The following ZFYVE16 variants were observed in gnomAD, a reference collection of about 807,000 sequenced individuals.
ZFYVE16 encodes the protein zinc finger FYVE domain-containing protein 16.
Under a neutral mutation model 138.1 loss-of-function variants are expected in ZFYVE16, and 89 were observed. That is an observed-to-expected ratio of 0.64 (90% confidence interval 0.54 to 0.77). The LOEUF (loss-of-function observed/expected upper bound fraction) is 0.77, where lower values mean the gene tolerates loss of function less well. Ranked by LOEUF, ZFYVE16 falls within the 30% of genes least tolerant of loss-of-function variation. ZFYVE16 has a pLI of 0.00. For missense variants in ZFYVE16, 1,793 were observed against 1,786.7 expected, an observed-to-expected ratio of 1.00 and a Z score of -0.06; for synonymous variants, 596 against 618.3, an observed-to-expected ratio of 0.96 and a Z score of 0.53.
At position 80,459,446 on chromosome 5, in the gene ZFYVE16, G is replaced by A. The variant is rs766925002; in HGVS notation, c.3976G>A (p.Ala1326Thr). ...TGCAAGTTTTGTGGTATTCAATGGA[G>A]CTCTAAAAACATCTTCAGGATTTCT... is the stretch of plus-strand genomic sequence containing the variant. Reference protein sequence around the residue: ...TGASFVVFNGALKTSSGFLAK... With the variant: ...TGASFVVFNGTLKTSSGFLAK... The change falls in exon 15 of 19, where the codon GCT becomes ACT. Residue 1326 changes from alanine (A) to threonine (T), a missense_variant. Around this residue, in one of 2 missense-constraint regions of ZFYVE16, gnomAD observed 498 missense variants for 582.4 expected, o/e 0.86. Coordinates refer to ENST00000505560, the MANE Select transcript of ZFYVE16 (RefSeq NM_001284236.3). 6.8e-6 allele frequency: 11 copies of A among 1,613,110 alleles called. No individual in the cohort carries two copies. Among genetic ancestry groups the A allele is most frequent in the Non-Finnish European group, 8.5e-6 (10 of 1,179,560 alleles).
Position 80,432,715 on chromosome 5 carries a change from A to C in ZFYVE16, c.-39-1394A>C, listed in dbSNP as rs528726968. ...GACAAAGGGCAGATACCCAGAATCT[A>C]CAAAAAAACTCAAACAAATTTACAA... On this transcript the variant is annotated intron_variant, in intron 2 of 18. Transcript: ENST00000505560. Among the ~76,000 whole-genome samples the C allele has an allele frequency of 1.1e-4, 17 of 152,362 alleles. 1 individual carries two copies. The highest frequency in any genetic ancestry group is 3.8e-4 in the African/African-American group (16 of 41,588).
intron 1 of ZFYVE16, among the ~76,000 whole-genome samples, chr5:80,425,929 T>G (rs145583308): frequency 6.6e-6 from 1 of 152,300 alleles, no homozygotes; most frequent in African/African-American, 2.4e-5. Context: ...CATTCGGGAT[T>G]ATGAAGAGAT....
intron 1 of ZFYVE16, 114 bp downstream of exon 1, chr5:80,408,267 C>T (rs1744898198): frequency 6.6e-6 from 1 of 152,394 alleles, no homozygotes. Flanking sequence ...GGCCCTCTTC[C>T]TCTGGGGACA....
chr5:80,442,967 C>G (rs567825102), intron 5 of ZFYVE16, 156 bp from the exon 6 acceptor site: 1 of 669,826 alleles, frequency 1.5e-6, no homozygotes, highest in Admixed American at 3.8e-5. Context: ...GCTGGCTACT[C>G]AGACAGTATC....
intron 7 of ZFYVE16, among the ~76,000 whole-genome samples, chr5:80,446,596 T>C (rs1052461882): frequency 1.3e-5 from 2 of 152,156 alleles, no homozygotes; most frequent in Non-Finnish European, 2.9e-5. Context: ...TTCTAGGACC[T>C]CACCAATTCC....
chr5:80,456,654 A>C, intron 13 of ZFYVE16, 89 bp downstream of exon 13: 9 of 1,124,208 alleles, frequency 8.0e-6, no homozygotes, highest in Non-Finnish European at 1.2e-5. Context: ...GTTTTGAATT[A>C]GACTATCTAA....
intron 15 of ZFYVE16, among the ~76,000 whole-genome samples, chr5:80,472,114 GTTA>G (rs1391128366): frequency 6.6e-6 from 1 of 151,974 alleles, no homozygotes; most frequent in African/African-American, 2.4e-5. Flanking sequence ...GTCTCACTCT[GTTA>G]TTGTGTCCCC....
Position 80,439,207 on chromosome 5 carries a change from C to T in ZFYVE16, c.2322+200C>T, listed in dbSNP as rs191769863. On this transcript the variant is annotated intron_variant, in intron 4 of 18. Coordinates refer to ENST00000505560, the MANE Select transcript of ZFYVE16 (RefSeq NM_001284236.3). The stretch of plus-strand genomic sequence containing the variant: ...GATGGTTGAATAAATGTTACATTGT[C>T]AGGGGCATTAAGTACATGCTGGGAA... Among the ~76,000 whole-genome samples the T allele has an allele frequency of 1.3e-4, 20 of 152,282 alleles. No homozygotes were observed. The East Asian group carries it at 2.5e-3, about 19-fold the overall frequency.
At chr5:80,420,744 C>T (rs1006262808) in intron 1 of ZFYVE16, among the ~76,000 whole-genome samples, 67 of 152,160 alleles carry the variant, frequency 4.4e-4, no homozygotes, top group Admixed American at 5.9e-4. Flanking sequence ...TGAATAGTGC[C>T]GCAATAAACA....
At chr5:80,413,819 G>T (rs1745816874) in intron 1 of ZFYVE16, among the ~76,000 whole-genome samples, 1 of 152,138 alleles carries the variant, frequency 6.6e-6, no homozygotes, top group Non-Finnish European at 1.5e-5. Flanking sequence ...GACATATTTA[G>T]ATATATGGCG....
rs144468152 is a variant in ZFYVE16, at chr5:80,438,067, C to A, written c.1382C>A (p.Thr461Lys). Residue 461 changes from threonine (T) to lysine (K), a missense_variant, in exon 4 of 19, where the codon ACA (threonine) becomes AAA (lysine). Around this residue, in one of 2 missense-constraint regions of ZFYVE16, gnomAD observed 1,295 missense variants for 1,204.3 expected, o/e 1.08. Transcript: ENST00000505560. ...MEDRKIDPDQ[T>K]VIRAESLDGG... ...GACAGAAAGATAGATCCTGACCAGA[C>A]AGTAATCAGAGCTGAGTCTTTGGAT... is the stretch of plus-strand genomic sequence containing the variant. 3.1e-6 allele frequency: 5 copies of A among 1,613,938 alleles called. No homozygotes were observed. Among genetic ancestry groups the A allele is most frequent in the Non-Finnish European group, 4.2e-6 (5 of 1,179,954 alleles).
intron 15 of ZFYVE16, among the ~76,000 whole-genome samples, chr5:80,461,195 G>A (rs1350090588): frequency 6.6e-6 from 1 of 152,096 alleles, no homozygotes; most frequent in African/African-American, 2.4e-5. Flanking sequence ...CAGCTGCTAA[G>A]TATATAATGC....
At chr5:80,447,248 C>T (rs1478900182) in intron 7 of ZFYVE16, among the ~76,000 whole-genome samples, 2 of 118,386 alleles carry the variant, frequency 1.7e-5, no homozygotes, top group Non-Finnish European at 3.2e-5. Context: ...GCCTGGACAA[C>T]AGGGTGAGAC....
At chr5:80,417,917 AC>A (rs1257032052) in intron 1 of ZFYVE16, among the ~76,000 whole-genome samples, 1 of 152,212 alleles carries the variant, frequency 6.6e-6, no homozygotes, top group African/African-American at 2.4e-5. Context: ...AAGCAGCTAT[AC>A]CATTTTGCAT....
At chr5:80,444,806 A>G (rs1179682371) in intron 6 of ZFYVE16, among the ~76,000 whole-genome samples, 1 of 151,872 alleles carries the variant, frequency 6.6e-6, no homozygotes, top group African/African-American at 2.4e-5. Context: ...TATATGCTTC[A>G]GTCTACTGCA....
chr5:80,455,353 G>A (rs534657979), intron 11 of ZFYVE16: 24 of 252,510 alleles, frequency 9.5e-5, no homozygotes, highest in African/African-American at 5.4e-4. Context: ...GGTCAACATG[G>A]TGAAACCCTG....
Position 80,478,877 on chromosome 5 carries a change from A to G in ZFYVE16, c.*1500A>G, listed in dbSNP as rs912826069. ...TCCTGAACAATGTAAAGTGTCGCAG[A>G]TATTCAATAAAATGGCAACCTGTTA... On this transcript the variant is annotated 3_prime_UTR_variant, in exon 19 of 19. Transcript: ENST00000505560. The G allele has an allele frequency of 1.3e-5, 2 of 152,206 alleles. No individual in the cohort carries two copies. The highest frequency in any genetic ancestry group is 2.4e-5 in the African/African-American group (1 of 41,458). The allele number at this position is 152,206 out of a possible 1,614,324, so 9.4% of individuals were successfully genotyped here.
intron 1 of ZFYVE16, chr5:80,409,842 G>A (rs532090876): frequency 6.6e-6 from 1 of 152,294 alleles, no homozygotes; most frequent in East Asian, 1.9e-4. Context: ...TGGATTGGTG[G>A]GCTGTTAGGT....
In ZFYVE16 at chr5:80,451,610, A is replaced by T; in HGVS notation, c.3508A>T (p.Asn1170Tyr). The T allele has an allele frequency of 6.2e-7, 1 of 1,613,902 alleles. No homozygotes were observed. Among genetic ancestry groups the T allele is most frequent in the Non-Finnish European group, 8.5e-7 (1 of 1,179,890 alleles). Reference protein sequence around the residue: ...QKLDDLSLPSNPFLCGILIQK... With the variant: ...QKLDDLSLPSYPFLCGILIQK... Reference sequence around the variant, plus strand: ...ACTTGATGATCTCTCATTACCAAGTAATCCTTTTCTTTGTGGAATTCTTAT... The same window carrying T: ...ACTTGATGATCTCTCATTACCAAGTTATCCTTTTCTTTGTGGAATTCTTAT... Residue 1170 changes from asparagine to tyrosine, a missense_variant, in exon 11 of 19, where the codon AAT becomes TAT. Asn to Tyr is a moderately radical substitution (Grantham distance 143). Around this residue, in one of 2 missense-constraint regions of ZFYVE16, gnomAD observed 498 missense variants for 582.4 expected, o/e 0.86. Coordinates refer to ENST00000505560, the MANE Select transcript of ZFYVE16 (RefSeq NM_001284236.3).
Sources: gnomAD v4.1 joint callset for allele counts (sites outside exome capture counted in the v4.1 genomes callset) on GRCh38, gnomAD v4.1.1 for gene constraint, gnomAD v4.1.1 regional missense constraint, MANE v1.5 for transcripts, NCBI Gene and HGNC (gene_info 2026-07-23, HGNC 2026-07-21) for gene names.